NCOA7: variants seen among roughly 807,000 people sequenced by gnomAD.
The protein encoded by NCOA7 is 140 kDa estrogen receptor-associated protein.
NCOA7 carries 45 observed loss-of-function variants against 104.3 expected under a neutral mutation model. The ratio of observed to expected loss-of-function variants is 0.43; its 90% confidence interval spans 0.34 to 0.55. The LOEUF is 0.55. Among genes scored for constraint, NCOA7 ranks in the 20% least tolerant of loss-of-function variants. The pLI, the probability that NCOA7 is intolerant of heterozygous loss-of-function variation, is 0.02. For missense variants in NCOA7, 1,041 were observed against 1,119.7 expected (o/e 0.93, Z 1.00); for synonymous variants, 398 against 402.3 (o/e 0.99, Z 0.13).
At chr6:125,921,794 T>G (rs753921522) in intron 12 of NCOA7, among the ~76,000 whole-genome samples, 1 of 152,212 alleles carries the variant, frequency 6.6e-6, no homozygotes, top group Non-Finnish European at 1.5e-5. Flanking sequence ...GAAAAATACC[T>G]ACCTACAGGA....
chr6:125,906,450 C>T (rs1338077910), intron 10 of NCOA7, among the ~76,000 whole-genome samples: 1 of 152,094 alleles, frequency 6.6e-6, no homozygotes, highest in Admixed American at 6.5e-5. Context: ...AGATTAGCTG[C>T]CTTTGTAGTG....
intron 5 of NCOA7, among the ~76,000 whole-genome samples, chr6:125,878,907 G>A (rs182167273): frequency 1.2e-4 from 18 of 152,258 alleles, no homozygotes; most frequent in East Asian, 3.9e-4. Flanking sequence ...ATGTTCTGGC[G>A]GCTGCTCACC....
chr6:125,835,404 T>C (rs1779533677), intron 2 of NCOA7, among the ~76,000 whole-genome samples: 1 of 151,910 alleles, frequency 6.6e-6, no homozygotes, highest in African/African-American at 2.4e-5. Flanking sequence ...AAAAGGAATA[T>C]GGAGTTTCTG....
intron 2 of NCOA7, among the ~76,000 whole-genome samples, chr6:125,836,744 AAC>A (rs1381885411): frequency 1.3e-5 from 2 of 152,186 alleles, no homozygotes; most frequent in Non-Finnish European, 2.9e-5. Context: ...AAACCACATA[AAC>A]AAGTACACAT....
intron 2 of NCOA7, among the ~76,000 whole-genome samples, chr6:125,852,052 C>G (rs1781176739): frequency 6.6e-6 from 1 of 152,088 alleles, no homozygotes; most frequent in African/African-American, 2.4e-5. Flanking sequence ...TGTTTACTCT[C>G]ATGATTTCTT....
At chr6:125,800,920 G>A (rs922006393) in intron 1 of NCOA7, among the ~76,000 whole-genome samples, 1 of 152,120 alleles carries the variant, frequency 6.6e-6, no homozygotes, top group African/African-American at 2.4e-5. Context: ...CCAGCTACTG[G>A]GGAGTGTGAG....
chr6:125,792,004 CTT>C (rs1491215016), intron 1 of NCOA7, among the ~76,000 whole-genome samples: 1 of 148,558 alleles, frequency 6.7e-6, no homozygotes, highest in African/African-American at 2.6e-5. Context: ...TTTATAGTCA[CTT>C]AGGTATAGAG....
At chr6:125,900,715 A>G (rs1391306017) in intron 10 of NCOA7, among the ~76,000 whole-genome samples, 1 of 152,198 alleles carries the variant, frequency 6.6e-6, no homozygotes, top group Non-Finnish European at 1.5e-5. Context: ...ATTGTTAATT[A>G]TAGTCACATT....
chr6:125,868,251 T>C (rs1287672298), intron 3 of NCOA7, among the ~76,000 whole-genome samples: 1 of 152,250 alleles, frequency 6.6e-6, no homozygotes, highest in African/African-American at 2.4e-5. Context: ...ATCATATTAA[T>C]ACTATATCAC....
intron 2 of NCOA7, among the ~76,000 whole-genome samples, chr6:125,817,512 A>G (rs913241549): frequency 4.6e-5 from 7 of 152,148 alleles, no homozygotes; most frequent in South Asian, 2.1e-4. Flanking sequence ...TATTTCCTTA[A>G]TGGTTAGTGA....
rs548711853 is a variant in NCOA7, at chr6:125,865,942, C to T, written c.272-8947C>T. Among the ~76,000 whole-genome samples the T allele has an allele frequency of 1.6e-4, 22 of 137,914 alleles. 3 individuals carry two copies. Among genetic ancestry groups the T allele is most frequent in the South Asian group, 4.4e-4 (2 of 4,576 alleles). 90.5% of individuals were successfully genotyped at this position (137,914 alleles called of 152,430 possible). A position where few individuals can be genotyped will look rare whatever the true frequency, so the allele number is the denominator to read the frequency against. On this transcript the variant is annotated intron_variant, in intron 3 of 15. Transcript: ENST00000392477. ...TCCTCAAGCAGTCCTCCCACCTCAG[C>T]CTTCCAGTGTTCTGGGATTACAGGT...
At chr6:125,817,059 A>C (rs1777657752) in intron 2 of NCOA7, among the ~76,000 whole-genome samples, 2 of 152,176 alleles carry the variant, frequency 1.3e-5, no homozygotes, top group South Asian at 4.1e-4. Flanking sequence ...TACTCCCTTG[A>C]CATCCCTCAA....
At chr6:125,888,454 A>T (rs1784405743) in intron 8 of NCOA7, among the ~76,000 whole-genome samples, 1 of 152,206 alleles carries the variant, frequency 6.6e-6, no homozygotes, top group Admixed American at 6.5e-5. Flanking sequence ...TGGAGCAGTT[A>T]AGTGAGTAGC....
At chr6:125,860,441 A>G (rs1241416934) in intron 3 of NCOA7, among the ~76,000 whole-genome samples, 1 of 152,158 alleles carries the variant, frequency 6.6e-6, no homozygotes, top group African/African-American at 2.4e-5. Flanking sequence ...TCTGCCTCCC[A>G]GGTTCAAGTG....
At chr6:125,896,702 A>G (rs1047261481) in intron 10 of NCOA7, among the ~76,000 whole-genome samples, 1 of 152,206 alleles carries the variant, frequency 6.6e-6, no homozygotes, top group Non-Finnish European at 1.5e-5. Flanking sequence ...TGAAGTGGGA[A>G]GATCACTTGA....
chr6:125,888,845 G>A (rs1393489572), intron 8 of NCOA7, 94 bp from the exon 9 acceptor site: 1 of 860,482 alleles, frequency 1.2e-6, no homozygotes, highest in Admixed American at 2.6e-5. Context: ...TTGGTTTTTG[G>A]TTGAGTTTCT....
chr6:125,849,607 A>G (rs559379287), intron 2 of NCOA7, among the ~76,000 whole-genome samples: 1 of 152,336 alleles, frequency 6.6e-6, no homozygotes, highest in East Asian at 1.9e-4. Context: ...GAAGAAAAAT[A>G]TAATATCATA....
At position 125,809,147 on chromosome 6, in the gene NCOA7, T is replaced by C. The variant is rs542249073; in HGVS notation, c.-64-6144T>C. Among the ~76,000 whole-genome samples the C allele has an allele frequency of 1.3e-3, 192 of 152,220 alleles. 1 individual carries two copies. The highest frequency in any genetic ancestry group is 2.5e-3 in the Non-Finnish European group (167 of 68,020). On this transcript the variant is annotated intron_variant, in intron 1 of 15. Coordinates refer to ENST00000392477, the MANE Select transcript of NCOA7 (RefSeq NM_181782.5). ...GTTGCATTGTTTTTGTAACATGTAT[T>C]TATTTATTTGGGGGGTATTATCTGA...
chr6:125,916,367 T>C (rs929824353), intron 11 of NCOA7, among the ~76,000 whole-genome samples: 1 of 152,212 alleles, frequency 6.6e-6, no homozygotes, highest in African/African-American at 2.4e-5. Context: ...TATAGCAGTG[T>C]GAAAACGGAC....
Sources: allele counts gnomAD v4.1 joint callset (sites outside exome capture counted in the v4.1 genomes callset), GRCh38; gene constraint gnomAD v4.1.1; transcripts MANE v1.5; gene names NCBI Gene and HGNC (gene_info 2026-07-23, HGNC 2026-07-21).